DMRT1: variants seen among roughly 807,000 people sequenced by gnomAD.
DMRT1 encodes doublesex and mab-3 related transcription factor 1.
DMRT1 carries 7 observed loss-of-function variants against 32.3 expected under a neutral mutation model. That is an observed-to-expected ratio of 0.22 (90% CI 0.12 to 0.41). The LOEUF is 0.41. Ranked by LOEUF, DMRT1 falls within the 10% of genes least tolerant of loss-of-function variation. DMRT1 has a pLI of 1.00. For synonymous variants in DMRT1, 278 were observed against 206.1 expected (o/e 1.35, Z -2.99); for missense variants, 625 against 500.5 (o/e 1.25, Z -2.37).
intron 1 of DMRT1, among the ~76,000 whole-genome samples, chr9:843,684 G>A (rs999632793): frequency 6.6e-6 from 1 of 152,122 alleles, no homozygotes; most frequent in Non-Finnish European, 1.5e-5. Flanking sequence ...TTTAAGACAG[G>A]TTATTTAAAA....
chr9:864,647 C>T lies in DMRT1; in HGVS notation c.538+17504C>T, dbSNP rs539857059. ...CTGAGCAGCTGGGACTACAGGCGCC[C>T]GCCACCACGCCTGGCTAATTTTTTT... On this transcript the variant is annotated intron_variant, in intron 2 of 4. Coordinates refer to ENST00000382276, the MANE Select transcript of DMRT1 (RefSeq NM_021951.3). 9.2e-5 allele frequency among the ~76,000 whole-genome samples: 14 copies of T among 151,946 alleles called. No homozygotes were observed. The East Asian group carries it at 1.7e-3, about 19-fold the overall frequency.
At position 965,520 on chromosome 9, in the gene DMRT1, G is replaced by C. The variant is rs1326968548; in HGVS notation, c.968-2465G>C. Among the ~76,000 whole-genome samples, 2 of 152,188 alleles carry C rather than the reference G, an allele frequency of 1.3e-5. No homozygotes were observed. Among genetic ancestry groups the C allele is most frequent in the Non-Finnish European group, 2.9e-5 (2 of 68,036 alleles). ...CAAGTTAGAGCAAAAGGGGGATATT[G>C]TCAAATTCCTTTCTTTTGCAAAATT... is the stretch of plus-strand genomic sequence containing the variant. On this transcript the variant is annotated intron_variant, in intron 4 of 4. Transcript: ENST00000382276. The surrounding 1 kb of genome is among the most constrained non-coding windows in gnomAD (Gnocchi z 4.5).
At position 938,296 on chromosome 9, in the gene DMRT1, C is replaced by G. The variant is rs546450712; in HGVS notation, c.967+21389C>G. On this transcript the variant is annotated intron_variant, in intron 4 of 4. Transcript: ENST00000382276. ...CATATGAATTTTACAATGGGTTTTT[C>G]TATTTATGCAAAAAACAGATTTTGA... 2.6e-5 allele frequency among the ~76,000 whole-genome samples: 4 copies of G among 152,110 alleles called. No homozygotes were observed. In the South Asian group the frequency reaches 6.2e-4, roughly 24 times the overall value.
chr9:847,068 A>C lies in DMRT1; in HGVS notation c.463A>C (p.Asn155His). 1 of 1,614,046 alleles carries C rather than the reference A, an allele frequency of 6.2e-7. No homozygotes were observed. The highest frequency in any genetic ancestry group is 8.5e-7 in the Non-Finnish European group (1 of 1,180,036). ...LLVKRENNGS[N>H]PCLMTECSGT... is the part of the protein sequence containing the mutation. ...TGTCAAAAGAGAGAACAATGGCAGTAACCCGTGCCTCATGACTGAGTGCAG... is the reference window on the plus strand; with the variant it reads ...TGTCAAAAGAGAGAACAATGGCAGTCACCCGTGCCTCATGACTGAGTGCAG... The change falls in exon 2 of 5, where the codon AAC becomes CAC. Residue 155 changes from asparagine to histidine, a missense_variant. Physicochemically the swap from Asn to His is moderately conservative, Grantham distance 68. Coordinates refer to ENST00000382276, the MANE Select transcript of DMRT1 (RefSeq NM_021951.3).
chr9:882,044 A>G (rs190560168), intron 2 of DMRT1, among the ~76,000 whole-genome samples: 45 of 152,276 alleles, frequency 3.0e-4, no homozygotes, highest in African/African-American at 1.1e-3. Flanking sequence ...TCTGACTCTC[A>G]TTGTAGGATT....
chr9:948,981 T>C (rs369071303), intron 4 of DMRT1, among the ~76,000 whole-genome samples: 24 of 151,610 alleles, frequency 1.6e-4, no homozygotes, highest in African/African-American at 5.3e-4. Context: ...TACTTCCAGG[T>C]ACTTGGAAAG....
intron 3 of DMRT1, among the ~76,000 whole-genome samples, chr9:906,352 C>A (rs1284553986): frequency 6.7e-6 from 1 of 150,106 alleles, no homozygotes; most frequent in Non-Finnish European, 1.5e-5. Flanking sequence ...TCATAAGACA[C>A]CCTTCACACT....
intron 1 of DMRT1, among the ~76,000 whole-genome samples, chr9:846,275 G>A (rs1021198481): frequency 1.3e-5 from 2 of 151,774 alleles, no homozygotes; most frequent in South Asian, 2.1e-4. Context: ...TCCGGTGATC[G>A]GCCCACCTCT....
intron 4 of DMRT1, among the ~76,000 whole-genome samples, chr9:961,826 A>G (rs1819782792): frequency 6.6e-6 from 1 of 152,230 alleles, no homozygotes; most frequent in Admixed American, 6.5e-5. Context: ...CTGACAGAGG[A>G]ATTAAGGAAA....
At chr9:937,377 G>T (rs1818921670) in intron 4 of DMRT1, among the ~76,000 whole-genome samples, 1 of 152,222 alleles carries the variant, frequency 6.6e-6, no homozygotes, top group African/African-American at 2.4e-5. Flanking sequence ...TAGAATTGCT[G>T]CGTTAAATGG....
intron 2 of DMRT1, among the ~76,000 whole-genome samples, chr9:851,292 G>A (rs1839141553): frequency 6.6e-6 from 1 of 152,134 alleles, no homozygotes; most frequent in Non-Finnish European, 1.5e-5. Context: ...AGGCTGGAGT[G>A]CAGTGGTGCA....
intron 2 of DMRT1, among the ~76,000 whole-genome samples, chr9:869,834 G>A (rs1173948882): frequency 6.6e-6 from 1 of 151,946 alleles, no homozygotes; most frequent in African/African-American, 2.4e-5. Flanking sequence ...GTTTATATTA[G>A]CTATTAATGC....
In DMRT1 at chr9:870,040, T is replaced by C. The variant is rs1241086435; in HGVS notation, c.538+22897T>C. Among the ~76,000 whole-genome samples, 7 of 152,336 alleles carry C rather than the reference T, an allele frequency of 4.6e-5. No homozygotes were observed. In the East Asian group the frequency reaches 1.2e-3, roughly 25 times the overall value. On this transcript the variant is annotated intron_variant, in intron 2 of 4. Transcript: ENST00000382276. The stretch of plus-strand genomic sequence containing the variant: ...TTGAACGAATAAGTTTCTTAAGTTT[T>C]TGAGAGCTTTCTCTTAGAAGTTGAC...
At chr9:944,817 C>T (rs145556706) in intron 4 of DMRT1, among the ~76,000 whole-genome samples, 42 of 152,194 alleles carry the variant, frequency 2.8e-4, no homozygotes, top group African/African-American at 9.6e-4. Context: ...TATTACTATT[C>T]TATGGTGTTT....
chr9:897,952 A>G (rs927750227), intron 3 of DMRT1, among the ~76,000 whole-genome samples: 2 of 152,242 alleles, frequency 1.3e-5, no homozygotes, highest in African/African-American at 4.8e-5. Context: ...CATAAAGTAT[A>G]GGTAAAAATG....
intron 4 of DMRT1, among the ~76,000 whole-genome samples, chr9:938,769 A>G (rs566700028): frequency 2.0e-5 from 3 of 152,312 alleles, no homozygotes; most frequent in Admixed American, 1.3e-4. Flanking sequence ...AATTTACAGT[A>G]TTGTATTGAA....
chr9:854,917 C>T (rs574733663), intron 2 of DMRT1, among the ~76,000 whole-genome samples: 3 of 150,182 alleles, frequency 2.0e-5, no homozygotes, highest in East Asian at 3.9e-4. Context: ...AGGCGCCCGC[C>T]GCCACGCCAG....
intron 3 of DMRT1, among the ~76,000 whole-genome samples, chr9:914,770 C>T (rs1166199922): frequency 1.3e-5 from 2 of 152,006 alleles, no homozygotes; most frequent in Non-Finnish European, 2.9e-5. Context: ...AAGAAGTAAT[C>T]CACTCATGAG....
intron 2 of DMRT1, among the ~76,000 whole-genome samples, chr9:882,950 T>A (rs1816790179): frequency 6.6e-6 from 1 of 151,764 alleles, no homozygotes; most frequent in African/African-American, 2.4e-5. Flanking sequence ...TTTTGTATTT[T>A]TAGTAGAGAC....
Sources: allele counts gnomAD v4.1 joint callset (sites outside exome capture counted in the v4.1 genomes callset), GRCh38; gene constraint gnomAD v4.1.1; non-coding constraint Gnocchi (gnomAD v3.1); transcripts MANE v1.5; gene names NCBI Gene and HGNC (gene_info 2026-07-23, HGNC 2026-07-21).